The following TYR variants were observed in gnomAD, a reference collection of about 807,000 sequenced individuals.
TYR encodes tyrosinase, also known as LB24-AB.
TYR carries 58 observed loss-of-function variants against 51.5 expected under a neutral mutation model. That is an observed-to-expected ratio of 1.13 (90% CI 0.91 to 1.40). The LOEUF (loss-of-function observed/expected upper bound fraction) is 1.40. Among genes scored for constraint, TYR ranks in the 40% most tolerant of loss-of-function variants. The pLI is 0.00. For missense variants in TYR, 732 were observed against 647.4 expected (o/e 1.13, Z -1.42); for synonymous variants, 263 against 235.2 (o/e 1.12, Z -1.08).
At chr11:89,243,493 T>C (rs1487452130) in intron 3 of TYR, among the ~76,000 whole-genome samples, 3 of 152,204 alleles carry the variant, frequency 2.0e-5, no homozygotes, top group African/African-American at 4.8e-5. Context: ...TAACCTTTTA[T>C]GTCAAGCTTA....
intron 4 of TYR, among the ~76,000 whole-genome samples, chr11:89,293,336 TACACACACACACACACAC>T (rs59899373): frequency 2.7e-5 from 4 of 147,626 alleles, no homozygotes; most frequent in Non-Finnish European, 4.5e-5. Flanking sequence ...ATTTTATGCA[TACACACACACACACACAC>T]ACACACACAC....
intron 3 of TYR, among the ~76,000 whole-genome samples, chr11:89,230,327 A>T (rs558456791): frequency 6.6e-6 from 1 of 152,276 alleles, no homozygotes; most frequent in South Asian, 2.1e-4. Context: ...GGATATCCAC[A>T]TTCAGCAGAA....
intron 1 of TYR, among the ~76,000 whole-genome samples, chr11:89,186,279 C>T (rs993475223): frequency 6.6e-6 from 1 of 152,112 alleles, no homozygotes; most frequent in Non-Finnish European, 1.5e-5. Context: ...CAGAAGCAGA[C>T]CCTACATTTG....
intron 3 of TYR, among the ~76,000 whole-genome samples, chr11:89,260,062 T>G (rs949064036): frequency 6.6e-6 from 1 of 152,018 alleles, no homozygotes; most frequent in African/African-American, 2.4e-5. Flanking sequence ...TAGATATTCT[T>G]TGGTGGTTAA....
chr11:89,289,010 A>G (rs1944826276), intron 4 of TYR, among the ~76,000 whole-genome samples: 1 of 152,060 alleles, frequency 6.6e-6, no homozygotes, highest in Non-Finnish European at 1.5e-5. Flanking sequence ...CCATTTATCA[A>G]ACTTTTTCTC....
intron 4 of TYR, among the ~76,000 whole-genome samples, chr11:89,290,889 G>A (rs1292684556): frequency 6.6e-6 from 1 of 151,920 alleles, no homozygotes; most frequent in Non-Finnish European, 1.5e-5. Context: ...ATTATAGAGA[G>A]CATCTTCTAT....
chr11:89,254,781 G>A (rs1590881047), intron 3 of TYR, among the ~76,000 whole-genome samples: 1 of 151,528 alleles, frequency 6.6e-6, no homozygotes, highest in East Asian at 1.9e-4. Flanking sequence ...CAAGCTTTTT[G>A]TTTCATTTAT....
At chr11:89,189,126 C>G (rs1323679301) in intron 1 of TYR, among the ~76,000 whole-genome samples, 1 of 151,944 alleles carries the variant, frequency 6.6e-6, no homozygotes, top group Non-Finnish European at 1.5e-5. Flanking sequence ...GTTATAAAAG[C>G]ACAAAATACA....
At chr11:89,183,650 G>A (rs1943330517) in intron 1 of TYR, among the ~76,000 whole-genome samples, 1 of 152,048 alleles carries the variant, frequency 6.6e-6, no homozygotes, top group Non-Finnish European at 1.5e-5. Context: ...ATAGGTTAAA[G>A]CATTACTGTG....
chr11:89,192,872 C>A (rs1943464712), intron 2 of TYR, among the ~76,000 whole-genome samples: 1 of 152,104 alleles, frequency 6.6e-6, no homozygotes, highest in African/African-American at 2.4e-5. Flanking sequence ...CAGAGATATT[C>A]ATCTTTTGGT....
At chr11:89,275,696 G>T (rs1944646048) in intron 3 of TYR, among the ~76,000 whole-genome samples, 1 of 151,794 alleles carries the variant, frequency 6.6e-6, no homozygotes, top group South Asian at 2.1e-4. Flanking sequence ...GGTGGAAGAA[G>T]ATTAATGTAC....
chr11:89,289,041 T>A (rs1484103846), intron 4 of TYR, among the ~76,000 whole-genome samples: 3 of 152,090 alleles, frequency 2.0e-5, no homozygotes, highest in Non-Finnish European at 2.9e-5. Flanking sequence ...ATTTAGTGAT[T>A]CTTTAGAAAA....
chr11:89,293,192 A>G (rs896029080), intron 4 of TYR, among the ~76,000 whole-genome samples: 1 of 152,160 alleles, frequency 6.6e-6, no homozygotes, highest in African/African-American at 2.4e-5. Context: ...TGGCTTCAGG[A>G]AAATTTTGAA....
intron 3 of TYR, among the ~76,000 whole-genome samples, chr11:89,282,955 T>C (rs1944736853): frequency 4.0e-5 from 6 of 151,772 alleles, no homozygotes; most frequent in South Asian, 2.1e-4. Flanking sequence ...GTGTATTTTG[T>C]GTTATTTTAA....
chr11:89,192,098 T>C, intron 2 of TYR: 1 of 375,804 alleles, frequency 2.7e-6, no homozygotes, highest in Non-Finnish European at 5.2e-6. Context: ...TCATTATCCC[T>C]TAAGTTTTCT....
chr11:89,276,446 G>A (rs1402859442), intron 3 of TYR, among the ~76,000 whole-genome samples: 1 of 151,632 alleles, frequency 6.6e-6, no homozygotes, highest in East Asian at 2.0e-4. Context: ...AGAAGAACTG[G>A]GTTCTCATCT....
At chr11:89,195,394 C>T (rs538541849) in intron 2 of TYR, among the ~76,000 whole-genome samples, 1 of 152,184 alleles carries the variant, frequency 6.6e-6, no homozygotes, top group South Asian at 2.1e-4. Flanking sequence ...AGAGAGACCA[C>T]ATGGCCGGGT....
Position 89,249,343 on chromosome 11 carries a change from T to A in TYR, c.1184+21373T>A, listed in dbSNP as rs1363402636. ...ATAAACACAGAAGAAAAGGAAGCAGTCTGGCATACCCCATCATTAAAAGGA... is the reference window on the plus strand; with the variant it reads ...ATAAACACAGAAGAAAAGGAAGCAGACTGGCATACCCCATCATTAAAAGGA... On this transcript the variant is annotated intron_variant, in intron 3 of 4. Transcript: ENST00000263321. 7.9e-5 allele frequency among the ~76,000 whole-genome samples: 12 copies of A among 151,832 alleles called. No individual in the cohort carries two copies. The East Asian group carries it at 2.1e-3, about 27-fold the overall frequency.
chr11:89,244,404 C>T (rs10830248), intron 3 of TYR, among the ~76,000 whole-genome samples: 68,685 of 151,304 alleles, frequency 0.45, 16,758 homozygotes, highest in African/African-American at 0.65. Flanking sequence ...CAGCTTAGCA[C>T]GGCCTGCTTA....
Sources: allele counts gnomAD v4.1 joint callset (sites outside exome capture counted in the v4.1 genomes callset), GRCh38; gene constraint gnomAD v4.1.1; transcripts MANE v1.5; gene names NCBI Gene and HGNC (gene_info 2026-07-23, HGNC 2026-07-21).